KRAS: variants seen among roughly 807,000 people sequenced by gnomAD.
KRAS encodes GTPase KRas.
KRAS carries 1 observed loss-of-function variant against 21.0 expected under a neutral mutation model. The observed-to-expected ratio is 0.05, with a 90% CI of 0.02 to 0.23. The LOEUF is 0.23. Among genes scored for constraint, KRAS ranks in the 10% least tolerant of loss-of-function variants. The pLI, the probability that KRAS is intolerant of heterozygous loss-of-function variation, is 1.00. For synonymous variants in KRAS, 67 were observed against 72.5 expected, an observed-to-expected ratio of 0.92 and a Z score of 0.39; for missense variants, 107 against 221.8, an observed-to-expected ratio of 0.48 and a Z score of 3.29.
intron 2 of KRAS, chr12:25,234,562 C>G (rs1355295968): frequency 5.4e-6 from 1 of 185,588 alleles, no homozygotes; most frequent in Admixed American, 6.2e-5. Context: ...GGTTTTTTTT[C>G]TTATCTGCAT....
intron 2 of KRAS, among the ~76,000 whole-genome samples, chr12:25,231,960 G>T (rs1565886831): frequency 6.6e-6 from 1 of 152,094 alleles, no homozygotes; most frequent in African/African-American, 2.4e-5. Flanking sequence ...CAGGCCATAA[G>T]AAACAGTCAT....
intron 4 of KRAS, among the ~76,000 whole-genome samples, chr12:25,220,164 G>T (rs1397294535): frequency 1.3e-5 from 2 of 152,124 alleles, no homozygotes; most frequent in Admixed American, 1.3e-4. Flanking sequence ...TTTCAATTTT[G>T]ACAGCTTTTG....
chr12:25,224,489 A>G (rs975236818), intron 4 of KRAS, among the ~76,000 whole-genome samples: 2 of 152,194 alleles, frequency 1.3e-5, no homozygotes, highest in Non-Finnish European at 2.9e-5. Context: ...AGATATAAGG[A>G]AAGAAAAATT....
chr12:25,205,642 G>C lies in KRAS; in HGVS notation c.*4153C>G, dbSNP rs1951128485. The C allele has an allele frequency of 1.3e-5, 3 of 224,378 alleles. No individual in the cohort carries two copies. In the Admixed American group the frequency reaches 1.7e-4, roughly 13 times the overall value. 13.9% of individuals were successfully genotyped at this position (224,378 alleles called of 1,614,324 possible). A position where few individuals can be genotyped will look rare whatever the true frequency, so the allele number is the denominator to read the frequency against. ...CATGAAAACACAAGACAGTGGAATT[G>C]GAAACTTTCGGATAAAACACTGTAA... On this transcript the variant is annotated 3_prime_UTR_variant, in exon 5 of 5. Transcript: ENST00000311936.
chr12:25,235,907 G>C (rs994020845), intron 2 of KRAS, among the ~76,000 whole-genome samples: 2 of 152,140 alleles, frequency 1.3e-5, no homozygotes, highest in Admixed American at 1.3e-4. Context: ...TTCTCCTAAG[G>C]AGTATGCAAC....
intron 4 of KRAS, among the ~76,000 whole-genome samples, chr12:25,218,768 C>G (rs980030773): frequency 6.6e-6 from 1 of 152,050 alleles, no homozygotes; most frequent in Non-Finnish European, 1.5e-5. Context: ...TTTTCACATT[C>G]CAAAATCTGT....
At chr12:25,215,699 A>C in intron 4 of KRAS, 1 of 709,756 alleles carries the variant, frequency 1.4e-6, no homozygotes, top group Non-Finnish European at 2.5e-6. Flanking sequence ...GTTTGAATAA[A>C]ACTGAGGATG....
chr12:25,218,689 G>C (rs2141494051), intron 4 of KRAS, among the ~76,000 whole-genome samples: 1 of 152,276 alleles, frequency 6.6e-6, no homozygotes, highest in South Asian at 2.1e-4. Flanking sequence ...TGTGTACACT[G>C]TAAACCACTG....
At chr12:25,250,025 C>T (rs762669058) in intron 1 of KRAS, among the ~76,000 whole-genome samples, 8 of 152,306 alleles carry the variant, frequency 5.3e-5, no homozygotes, top group Non-Finnish European at 7.3e-5. Context: ...TCTACCTCCA[C>T]CTCCTCCTTT....
intron 4 of KRAS, among the ~76,000 whole-genome samples, chr12:25,213,399 G>C (rs1308344492): frequency 6.6e-6 from 1 of 152,164 alleles, no homozygotes; most frequent in Non-Finnish European, 1.5e-5. Context: ...TCATGGTACT[G>C]TTATTTAAAA....
intron 4 of KRAS, chr12:25,215,426 C>CT (rs774572505): frequency 3.1e-6 from 5 of 1,613,048 alleles, no homozygotes; most frequent in Non-Finnish European, 3.4e-6. Context: ...ATGTGCTGAA[C>CT]TTAAACTTAC....
chr12:25,208,634 C>G lies in KRAS; in HGVS notation c.*1161G>C, dbSNP rs1951168803. ...AAAAGCAATGCTCTTGATTTGTCAG[C>G]AGGACCACCACAGAGTGAGATTGTA... On this transcript the variant is annotated 3_prime_UTR_variant, in exon 5 of 5. Transcript: ENST00000311936. 1.3e-5 allele frequency: 3 copies of G among 232,764 alleles called. No homozygotes were observed. Among genetic ancestry groups the G allele is most frequent in the African/African-American group, 6.6e-5 (3 of 45,282 alleles). 14.4% of individuals were successfully genotyped at this position (232,764 alleles called of 1,614,324 possible).
chr12:25,230,401 G>T (rs11047907), intron 2 of KRAS, among the ~76,000 whole-genome samples: 1 of 152,112 alleles, frequency 6.6e-6, no homozygotes, highest in African/African-American at 2.4e-5. Flanking sequence ...GGCCAAGGTG[G>T]GCAGATCACC....
At chr12:25,230,153 T>C (rs1951446903) in intron 2 of KRAS, among the ~76,000 whole-genome samples, 1 of 152,170 alleles carries the variant, frequency 6.6e-6, no homozygotes, top group South Asian at 2.1e-4. Flanking sequence ...TCATTACAAA[T>C]GTTGTTAGTA....
intron 2 of KRAS, among the ~76,000 whole-genome samples, chr12:25,235,417 GGTT>G: frequency 6.6e-6 from 1 of 152,280 alleles, no homozygotes; most frequent in Non-Finnish European, 1.5e-5. Flanking sequence ...TGTAAACAGA[GGTT>G]GATGAGTTCA....
intron 2 of KRAS, chr12:25,235,012 T>C: frequency 3.0e-6 from 1 of 337,792 alleles, no homozygotes. Flanking sequence ...ACTGAGCCCT[T>C]ACTTATATGC....
chr12:25,209,468 G>A lies in KRAS; in HGVS notation c.*327C>T. On this transcript the variant is annotated 3_prime_UTR_variant, in exon 5 of 5. Transcript: ENST00000311936. ...GATGATTCAAAAGCTTCATTAATTT[G>A]TTTCACACCAACATTCACAATTGGT... 2.4e-6 allele frequency: 3 copies of A among 1,226,290 alleles called. No individual in the cohort carries two copies. Among genetic ancestry groups the A allele is most frequent in the Non-Finnish European group, 2.1e-6 (2 of 958,360 alleles). The allele number at this position is 1,226,290 out of a possible 1,614,324, so 76.0% of individuals were successfully genotyped here. A position where few individuals can be genotyped will look rare whatever the true frequency, so the allele number is the denominator to read the frequency against.
At chr12:25,250,505 G>A (rs1489541490) in intron 1 of KRAS, among the ~76,000 whole-genome samples, 1 of 152,074 alleles carries the variant, frequency 6.6e-6, no homozygotes, top group Non-Finnish European at 1.5e-5. Flanking sequence ...CAGCACCAGC[G>A]GCGACCGCCT....
At chr12:25,216,878 A>G (rs1219089984) in intron 4 of KRAS, among the ~76,000 whole-genome samples, 1 of 152,238 alleles carries the variant, frequency 6.6e-6, no homozygotes, top group East Asian at 1.9e-4. Flanking sequence ...ATCTATATAT[A>G]GTGCAAATTA....
Sources: gnomAD v4.1 joint callset for allele counts (sites outside exome capture counted in the v4.1 genomes callset) on GRCh38, gnomAD v4.1.1 for gene constraint, MANE v1.5 for transcripts, NCBI Gene and HGNC (gene_info 2026-07-23, HGNC 2026-07-21) for gene names.